Variants in SNX1 observed in about 807,000 individuals in gnomAD.
SNX1 encodes sorting nexin 1, also known as sorting nexin-1.
Under a neutral mutation model 71.8 loss-of-function variants are expected in SNX1, and 36 were observed. That is an observed-to-expected ratio of 0.50 (90% CI 0.38 to 0.66). The LOEUF (loss-of-function observed/expected upper bound fraction) is 0.66. Ranked by LOEUF, SNX1 falls within the 30% of genes least tolerant of loss-of-function variation. The pLI is 0.00. For synonymous variants in SNX1, 254 were observed against 240.7 expected (o/e 1.06, Z -0.51); for missense variants, 612 against 646.7 (o/e 0.95, Z 0.58).
chr15:64,121,272 C>T lies in SNX1; in HGVS notation c.467-2231C>T, dbSNP rs1411341677. 5.3e-5 allele frequency among the ~76,000 whole-genome samples: 8 copies of T among 152,304 alleles called. No homozygotes were observed. The East Asian group carries it at 1.5e-3, about 29-fold the overall frequency. ...ACTGGTTAAAACAACAGAAATTTCT[C>T]ACAGTTTTGGAGGCCAGAAATCTCA... On this transcript the variant is annotated intron_variant, in intron 4 of 14. Transcript: ENST00000559844.
At chr15:64,115,185 A>G (rs1419528434) in intron 2 of SNX1, among the ~76,000 whole-genome samples, 1 of 152,314 alleles carries the variant, frequency 6.6e-6, no homozygotes, top group African/African-American at 2.4e-5. Flanking sequence ...GAACATGCAG[A>G]TCTTTATTAG....
chr15:64,104,539 C>T (rs1567316943), intron 1 of SNX1, among the ~76,000 whole-genome samples: 1 of 151,950 alleles, frequency 6.6e-6, no homozygotes, highest in African/African-American at 2.4e-5. Context: ...TCCCAAAGTG[C>T]TGGGATTACA....
rs2081334554 is a variant in SNX1, at chr15:64,134,208, A to G, written c.1222-456A>G. On this transcript the variant is annotated intron_variant, in intron 11 of 14. Coordinates refer to ENST00000559844, the MANE Select transcript of SNX1 (RefSeq NM_003099.5). The surrounding 1 kb of genome is among the most constrained non-coding windows in gnomAD (Gnocchi z 4.1). ...CCCAGTAGTCTGCATACTTGTATCT[A>G]TTTGTAATTGTAAATGTAATGTTGG... The G allele has an allele frequency of 6.5e-6, 1 of 153,828 alleles. No homozygotes were observed. Among genetic ancestry groups the G allele is most frequent in the South Asian group, 2.0e-4 (1 of 4,916 alleles). 9.5% of individuals were successfully genotyped at this position (153,828 alleles called of 1,614,324 possible).
At position 64,118,974 on chromosome 15, in the gene SNX1, T is replaced by C. The variant is rs374626403; in HGVS notation, c.466+120T>C. ...GCCAATGTGAAGTACTTCATTAGTA[T>C]CTTTTCTGTAAAAGTAGACCCCTTG... On this transcript the variant is annotated intron_variant, in intron 4 of 14. Coordinates refer to ENST00000559844, the MANE Select transcript of SNX1 (RefSeq NM_003099.5). The C allele has an allele frequency of 1.3e-5, 9 of 696,478 alleles. No homozygotes were observed. In the East Asian group the frequency reaches 1.6e-4, roughly 13 times the overall value. The allele number at this position is 696,478 out of a possible 1,614,324, so 43.1% of individuals were successfully genotyped here.
At chr15:64,121,017 T>G (rs1443766614) in intron 4 of SNX1, among the ~76,000 whole-genome samples, 1 of 152,160 alleles carries the variant, frequency 6.6e-6, no homozygotes, top group African/African-American at 2.4e-5. Flanking sequence ...CCATGATAGA[T>G]CCTGGACCAG....
At position 64,096,122 on chromosome 15, in the gene SNX1, G is replaced by A. The variant is rs769918313; in HGVS notation, c.109G>A (p.Gly37Arg). 1 of 1,558,552 alleles carries A rather than the reference G, an allele frequency of 6.4e-7. No homozygotes were observed. Among genetic ancestry groups the A allele is most frequent in the African/African-American group, 1.4e-5 (1 of 73,760 alleles). The change falls in exon 1 of 15, where the codon GGG becomes AGG. Residue 37 changes from glycine to arginine, a missense_variant. Around this residue, in one of 2 missense-constraint regions of SNX1, gnomAD observed 316 missense variants for 284.9 expected, o/e 1.11. Coordinates refer to ENST00000559844, the MANE Select transcript of SNX1 (RefSeq NM_003099.5). ...GGCCGGGGGATCAGAACCCGAGGCTGGGGACAGCGACACCGAGGGGGAGGA... is the reference window on the plus strand; with the variant it reads ...GGCCGGGGGATCAGAACCCGAGGCTAGGGACAGCGACACCGAGGGGGAGGA... ...GAAGGSEPEAGDSDTEGEDIF... is the reference protein window; with the variant it reads ...GAAGGSEPEARDSDTEGEDIF...
intron 1 of SNX1, among the ~76,000 whole-genome samples, chr15:64,100,372 CGGGCGTATCACAA>C (rs984038412): frequency 1.2e-4 from 19 of 152,130 alleles, no homozygotes; most frequent in African/African-American, 4.3e-4. Context: ...CAGGCCGAGG[CGGGCGTATCACAA>C]GGGCAGGAGT....
At chr15:64,124,699 A>G (rs1338202001) in intron 5 of SNX1, among the ~76,000 whole-genome samples, 1 of 152,176 alleles carries the variant, frequency 6.6e-6, no homozygotes, top group African/African-American at 2.4e-5. Context: ...TTTCTTGCAC[A>G]TCTCTAGTAC....
intron 1 of SNX1, chr15:64,111,547 A>G (rs1163235761): frequency 6.6e-6 from 1 of 152,246 alleles, no homozygotes; most frequent in African/African-American, 2.4e-5. Flanking sequence ...CAATTGAGAT[A>G]ACTCACTACC....
At chr15:64,104,196 C>T (rs948468023) in intron 1 of SNX1, among the ~76,000 whole-genome samples, 1 of 150,532 alleles carries the variant, frequency 6.6e-6, no homozygotes, top group African/African-American at 2.4e-5. Context: ...ATTGTACTAG[C>T]AATTAACTTA....
At chr15:64,101,159 T>C (rs144101465) in intron 1 of SNX1, among the ~76,000 whole-genome samples, 46 of 152,312 alleles carry the variant, frequency 3.0e-4, no homozygotes, top group African/African-American at 1.1e-3. Context: ...ATTTGCCATC[T>C]TAATCATTTT....
In SNX1 at chr15:64,137,882, T is replaced by C; in HGVS notation, c.*264T>C. 1 of 1,402,798 alleles carries C rather than the reference T, an allele frequency of 7.1e-7. No individual in the cohort carries two copies. The highest frequency in any genetic ancestry group is 9.2e-7 in the Non-Finnish European group (1 of 1,082,992). 86.9% of individuals were successfully genotyped at this position (1,402,798 alleles called of 1,614,324 possible). A position where few individuals can be genotyped will look rare whatever the true frequency, so the allele number is the denominator to read the frequency against. ...GGAATTATGGGATGGGGTGGAGTAT[T>C]GATATAAATATATAAATACAAATGT... On this transcript the variant is annotated 3_prime_UTR_variant, in exon 15 of 15. Coordinates refer to ENST00000559844, the MANE Select transcript of SNX1 (RefSeq NM_003099.5).
rs1040162051 is a variant in SNX1, at chr15:64,142,701, A to G, written c.*5083A>G. The G allele has an allele frequency of 8.8e-6, 4 of 456,046 alleles. No homozygotes were observed. Among genetic ancestry groups the G allele is most frequent in the Non-Finnish European group, 1.3e-5 (3 of 226,782 alleles). 28.2% of individuals were successfully genotyped at this position (456,046 alleles called of 1,614,324 possible). On this transcript the variant is annotated 3_prime_UTR_variant, in exon 15 of 15. Transcript: ENST00000559844. ...TATGGAACCTGCTTTCCCCTTGGCT[A>G]GTTCAGCGTTTGGGCTCCGGAGTGC... is the stretch of plus-strand genomic sequence containing the variant.
Position 64,129,710 on chromosome 15 carries a change from T to C in SNX1, c.808-206T>C, listed in dbSNP as rs1002418404. Among the ~76,000 whole-genome samples, 6 of 152,146 alleles carry C rather than the reference T, an allele frequency of 3.9e-5. No homozygotes were observed. The highest frequency in any genetic ancestry group is 8.8e-5 in the Non-Finnish European group (6 of 68,016). On this transcript the variant is annotated intron_variant, in intron 8 of 14. Coordinates refer to ENST00000559844, the MANE Select transcript of SNX1 (RefSeq NM_003099.5). The surrounding 1 kb of genome is among the most constrained non-coding windows in gnomAD (Gnocchi z 4.4). ...TGTATAAAATATCAAAAGCTGAAAA[T>C]GTTGCTGATTCTTTTTAACATGGTT...
intron 9 of SNX1, 96 bp from the exon 10 acceptor site, chr15:64,130,132 A>AT: frequency 6.8e-7 from 1 of 1,470,364 alleles, no homozygotes; most frequent in East Asian, 2.3e-5. Context: ...TTTTTATAAG[A>AT]TTTTTCAGTC....
intron 5 of SNX1, 35 bp downstream of exon 5, chr15:64,123,581 A>G (rs367761706): frequency 1.6e-5 from 25 of 1,585,074 alleles, no homozygotes; most frequent in Non-Finnish European, 2.0e-5. Flanking sequence ...GACCATCTTC[A>G]TAGACTTTGG....
At position 64,129,928 on chromosome 15, in the gene SNX1, G is replaced by A. The variant is rs758590042; in HGVS notation, c.820G>A (p.Val274Met). 1.6e-5 allele frequency: 26 copies of A among 1,613,814 alleles called. No individual in the cohort carries two copies. Among genetic ancestry groups the A allele is most frequent in the East Asian group, 4.5e-5 (2 of 44,894 alleles). Residue 274 changes from valine to methionine, a missense_variant, in exon 9 of 15, where the codon GTG becomes ATG. Around this residue, in one of 2 missense-constraint regions of SNX1, gnomAD observed 296 missense variants for 361.9 expected, o/e 0.82. Coordinates refer to ENST00000559844, the MANE Select transcript of SNX1 (RefSeq NM_003099.5). This position sits in a 1 kb window ranked among gnomAD's most constrained non-coding sequence, Gnocchi z 4.4. ...FLEKEELPRA[V>M]GTQTLSGAGL... ...CTTGGTCTTGTAGCTGCCACGTGCC[G>A]TGGGTACCCAGACATTGAGTGGTGC...
chr15:64,119,249 G>A (rs1470117771), intron 4 of SNX1, among the ~76,000 whole-genome samples: 3 of 151,972 alleles, frequency 2.0e-5, no homozygotes, highest in Admixed American at 6.6e-5. Flanking sequence ...CACCCCAGCC[G>A]CCCAAGTAGC....
intron 1 of SNX1, among the ~76,000 whole-genome samples, chr15:64,098,258 A>G (rs184691247): frequency 2.6e-5 from 4 of 152,358 alleles, no homozygotes; most frequent in Admixed American, 2.6e-4. Context: ...GAAGACAGCT[A>G]CTGTTGGTAA....
Sources: allele counts gnomAD v4.1 joint callset (sites outside exome capture counted in the v4.1 genomes callset), GRCh38; gene constraint gnomAD v4.1.1; regional missense constraint gnomAD v4.1.1; non-coding constraint Gnocchi (gnomAD v3.1); transcripts MANE v1.5; gene names NCBI Gene and HGNC (gene_info 2026-07-23, HGNC 2026-07-21).